CCDC3: variants seen among roughly 807,000 people sequenced by gnomAD.
The protein encoded by CCDC3 is coiled-coil domain-containing protein 3.
A neutral mutation model predicts 21.4 loss-of-function variants in CCDC3; 24 were observed. That is an observed-to-expected ratio of 1.12 (90% CI 0.81 to 1.58). CCDC3 has a LOEUF of 1.58. Ranked by LOEUF, CCDC3 falls within the 40% of genes most tolerant of loss-of-function variation. The probability of loss-of-function intolerance (pLI) is 0.00; values close to 1 mark genes in which losing one functional copy is unlikely to be tolerated. For missense variants in CCDC3, 425 were observed against 360.9 expected (o/e 1.18, Z -1.44); for synonymous variants, 186 against 166.0 (o/e 1.12, Z -0.93).
At chr10:13,069,829 C>G (rs1351820756) in intron 4 of CCDC3, among the ~76,000 whole-genome samples, 3 of 152,046 alleles carry the variant, frequency 2.0e-5, no homozygotes, top group Admixed American at 6.6e-5. Flanking sequence ...CGAAGATAAC[C>G]AAATTTATTT....
In CCDC3 at chr10:12,967,420, T is replaced by G. The variant is rs117460157; in HGVS notation, c.549+30918A>C. On this transcript the variant is annotated intron_variant, in intron 2 of 2. Transcript: ENST00000378825. ...TGAACCTCAAAAAATCAGAGAAATA[T>G]CCCAATGAGTCAGGAAAATAATAAA... Among the ~76,000 whole-genome samples, 445 of 152,174 alleles carry G rather than the reference T, an allele frequency of 2.9e-3. 9 individuals carry two copies. The East Asian group carries it at 0.047, about 16-fold the overall frequency.
chr10:12,923,781 G>A (rs1589007337), intron 2 of CCDC3, among the ~76,000 whole-genome samples: 1 of 152,156 alleles, frequency 6.6e-6, no homozygotes, highest in East Asian at 1.9e-4. Flanking sequence ...CAGGTACTCG[G>A]TACATTTTAA....
intron 5 of CCDC3, among the ~76,000 whole-genome samples, chr10:13,048,824 T>A (rs1836566305): frequency 6.6e-6 from 1 of 151,834 alleles, no homozygotes; most frequent in African/African-American, 2.4e-5. Context: ...GAGTAAGGAG[T>A]GTGTGTAAGA....
intron 2 of CCDC3, among the ~76,000 whole-genome samples, chr10:12,974,474 T>C (rs1564304633): frequency 6.6e-6 from 1 of 152,370 alleles, no homozygotes; most frequent in East Asian, 1.9e-4. Flanking sequence ...GACTGTGATA[T>C]TTAAGTGATA....
intron 5 of CCDC3, among the ~76,000 whole-genome samples, chr10:13,037,685 G>C (rs1169991286): frequency 1.3e-5 from 2 of 152,198 alleles, no homozygotes; most frequent in African/African-American, 4.8e-5. Context: ...GAGGAGGCCA[G>C]GCATAGTAGC....
At chr10:12,903,217 C>T (rs1270805557) in intron 2 of CCDC3, among the ~76,000 whole-genome samples, 3 of 152,260 alleles carry the variant, frequency 2.0e-5, no homozygotes, top group African/African-American at 2.4e-5. Flanking sequence ...TTGAGGCTAA[C>T]GCCATAAAAT....
intron 2 of CCDC3, among the ~76,000 whole-genome samples, chr10:12,970,935 T>C (rs143615019): frequency 3.9e-5 from 6 of 152,030 alleles, no homozygotes; most frequent in African/African-American, 1.4e-4. Context: ...ACTAAGCAAC[T>C]ATAAAGCACT....
rs575464545 is a variant in CCDC3, at chr10:12,917,242, G to C, written c.550-18563C>G. ...ACAGTCTTGCTCTGTTGCCCAGGCC[G>C]GACTGCAGTGGCGCTATCTCGGCTC... is the stretch of plus-strand genomic sequence containing the variant. On this transcript the variant is annotated intron_variant, in intron 2 of 2. Coordinates refer to ENST00000378825, the MANE Select transcript of CCDC3 (RefSeq NM_031455.4). Among the ~76,000 whole-genome samples, 162 of 123,960 alleles carry C rather than the reference G, an allele frequency of 1.3e-3. 1 individual carries two copies. The highest frequency in any genetic ancestry group is 4.6e-3 in the African/African-American group (154 of 33,186). 81.3% of individuals were successfully genotyped at this position (123,960 alleles called of 152,430 possible).
intron 2 of CCDC3, among the ~76,000 whole-genome samples, chr10:12,952,827 G>A (rs1261774558): frequency 2.6e-5 from 4 of 152,108 alleles, no homozygotes; most frequent in Non-Finnish European, 5.9e-5. Context: ...CTGAGTAAAT[G>A]AAGTTCTCAT....
At chr10:12,934,194 T>C (rs1834698203) in intron 2 of CCDC3, among the ~76,000 whole-genome samples, 1 of 152,178 alleles carries the variant, frequency 6.6e-6, no homozygotes, top group South Asian at 2.1e-4. Flanking sequence ...TTCCTTGACC[T>C]GTGTGTTACT....
At chr10:13,090,800 T>A (rs1832558140) in intron 3 of CCDC3, among the ~76,000 whole-genome samples, 2 of 151,826 alleles carry the variant, frequency 1.3e-5, no homozygotes, top group African/African-American at 4.8e-5. Context: ...TTGAAGGGAG[T>A]TTATTAAGGA....
intron 2 of CCDC3, among the ~76,000 whole-genome samples, chr10:12,982,496 A>G (rs1272807387): frequency 6.6e-6 from 1 of 151,978 alleles, no homozygotes; most frequent in East Asian, 1.9e-4. Flanking sequence ...TTTTTACCAT[A>G]ATTAAAAAAA....
chr10:12,961,254 T>C (rs2131257112), intron 2 of CCDC3, among the ~76,000 whole-genome samples: 1 of 152,246 alleles, frequency 6.6e-6, no homozygotes, highest in East Asian at 1.9e-4. Context: ...CAGAACAGTA[T>C]GCACATCACA....
At chr10:12,988,603 C>T (rs992571394) in intron 2 of CCDC3, among the ~76,000 whole-genome samples, 8 of 152,162 alleles carry the variant, frequency 5.3e-5, no homozygotes, top group African/African-American at 1.7e-4. Context: ...CTCAGCCTCC[C>T]GAAGTGTCAG....
In CCDC3 at chr10:12,898,603, G is replaced by A. The variant is rs1432818384; in HGVS notation, c.626C>T (p.Thr209Ile). Residue 209 changes from threonine to isoleucine, a missense_variant, in exon 3 of 3, where the codon ACC becomes ATC. Coordinates refer to ENST00000378825, the MANE Select transcript of CCDC3 (RefSeq NM_031455.4). ...GAGCTGCCGGTTGCGCTTCTCCAGG[G>A]TGGCCACTTTCTGCTGCAGTTTCTT... ...HVKKLQQKVA[T>I]LEKRNRQLRE... 2 of 1,614,110 alleles carry A rather than the reference G, an allele frequency of 1.2e-6. No homozygotes were observed. Among genetic ancestry groups the A allele is most frequent in the Non-Finnish European group, 1.7e-6 (2 of 1,180,042 alleles).
chr10:13,016,659 G>A (rs1020767454), intron 5 of CCDC3, among the ~76,000 whole-genome samples: 8 of 151,976 alleles, frequency 5.3e-5, no homozygotes, highest in African/African-American at 1.9e-4. Flanking sequence ...TGGAACTTGG[G>A]GTTAGGACTC....
At position 12,927,323 on chromosome 10, in the gene CCDC3, T is replaced by C. The variant is rs116112627; in HGVS notation, c.550-28644A>G. Among the ~76,000 whole-genome samples the C allele has an allele frequency of 4.4e-3, 670 of 152,294 alleles. 3 individuals carry two copies. Among genetic ancestry groups the C allele is most frequent in the Middle Eastern group, 0.014 (4 of 294 alleles). On this transcript the variant is annotated intron_variant, in intron 2 of 2. Coordinates refer to ENST00000378825, the MANE Select transcript of CCDC3 (RefSeq NM_031455.4). The stretch of plus-strand genomic sequence containing the variant: ...ACCTGTAAATACTTTAGCACACATC[T>C]CTAGCTGATAACATTTGTAAAAGCA...
chr10:13,076,973 C>T (rs549385448), intron 3 of CCDC3, among the ~76,000 whole-genome samples: 1 of 152,268 alleles, frequency 6.6e-6, no homozygotes, highest in South Asian at 2.1e-4. Flanking sequence ...CCTCTCTCAC[C>T]ACTCCTATTA....
chr10:13,040,072 G>A (rs1256109632), intron 5 of CCDC3, among the ~76,000 whole-genome samples: 1 of 151,950 alleles, frequency 6.6e-6, no homozygotes, highest in Non-Finnish European at 1.5e-5. Context: ...TGATTCTCTG[G>A]CACTAAAAGC....
Sources: gnomAD v4.1 joint callset for allele counts (sites outside exome capture counted in the v4.1 genomes callset) on GRCh38, gnomAD v4.1.1 for gene constraint, MANE v1.5 for transcripts, NCBI Gene and HGNC (gene_info 2026-07-23, HGNC 2026-07-21) for gene names.